CNTN4: variants seen among roughly 807,000 people sequenced by gnomAD.
CNTN4 encodes contactin 4.
CNTN4 carries 77 observed loss-of-function variants against 122.5 expected under a neutral mutation model. That is an observed-to-expected ratio of 0.63 (90% CI 0.52 to 0.76). The LOEUF is 0.76. Among genes scored for constraint, CNTN4 ranks in the 30% least tolerant of loss-of-function variants. The pLI, the probability that CNTN4 is intolerant of heterozygous loss-of-function variation, is 0.00. For synonymous variants in CNTN4, 512 were observed against 447.0 expected, an observed-to-expected ratio of 1.15 and a Z score of -1.83; for missense variants, 1,256 against 1,259.1, an observed-to-expected ratio of 1.00 and a Z score of 0.04.
intron 2 of CNTN4, among the ~76,000 whole-genome samples, chr3:2,161,354 C>G (rs1051588857): frequency 1.3e-5 from 2 of 151,954 alleles, no homozygotes; most frequent in Non-Finnish European, 2.9e-5. Flanking sequence ...ATCACCAGAT[C>G]TTTTATAAAG....
chr3:2,849,551 G>A (rs571217390), intron 7 of CNTN4, among the ~76,000 whole-genome samples: 18 of 152,244 alleles, frequency 1.2e-4, no homozygotes, highest in African/African-American at 4.1e-4. Flanking sequence ...GGACCTCAAC[G>A]GCTAGGCAGT....
intron 8 of CNTN4, among the ~76,000 whole-genome samples, chr3:2,873,563 A>G (rs1333058249): frequency 3.3e-5 from 5 of 152,262 alleles, no homozygotes; most frequent in Admixed American, 2.6e-4. Context: ...AGATTCTGAA[A>G]TATTCTTGTT....
At chr3:2,400,255 T>C (rs1459367842) in intron 3 of CNTN4, among the ~76,000 whole-genome samples, 4 of 150,702 alleles carry the variant, frequency 2.7e-5, no homozygotes, top group Non-Finnish European at 4.4e-5. Context: ...ACCAGAAGCT[T>C]GTTTCTGTGC....
chr3:2,124,470 A>ACACACACACACC (rs1157832774), intron 2 of CNTN4, among the ~76,000 whole-genome samples: 2 of 144,476 alleles, frequency 1.4e-5, no homozygotes, highest in African/African-American at 5.0e-5. Context: ...ACACACACAC[A>ACACACACACACC]CACCCCCTTA....
At chr3:2,164,244 A>G (rs1574974566) in intron 2 of CNTN4, among the ~76,000 whole-genome samples, 1 of 152,280 alleles carries the variant, frequency 6.6e-6, no homozygotes, top group Admixed American at 6.5e-5. Flanking sequence ...AAAAAAAACA[A>G]CAACAAAGTA....
At chr3:2,834,646 A>G (rs2093176850) in intron 7 of CNTN4, among the ~76,000 whole-genome samples, 1 of 152,182 alleles carries the variant, frequency 6.6e-6, no homozygotes, top group Non-Finnish European at 1.5e-5. Flanking sequence ...TGAGCAAAAA[A>G]GCATACATGA....
At chr3:2,302,850 G>A (rs1178939746) in intron 2 of CNTN4, among the ~76,000 whole-genome samples, 1 of 143,820 alleles carries the variant, frequency 7.0e-6, no homozygotes, top group African/African-American at 2.7e-5. Context: ...GCAATGCCAA[G>A]CACACTGTAT....
rs151314392 is a variant in CNTN4, at chr3:2,881,330, T to C, written c.653-1815T>C. The stretch of plus-strand genomic sequence containing the variant: ...GAATTCAAGACGAGCCTGGCCAACA[T>C]AGTGAAACCTCATCGCTACTAAAAA... On this transcript the variant is annotated intron_variant, in intron 8 of 24. Transcript: ENST00000418658. Among the ~76,000 whole-genome samples the C allele has an allele frequency of 3.9e-3, 595 of 152,184 alleles. 8 individuals are homozygous for C. Among genetic ancestry groups the C allele is most frequent in the African/African-American group, 0.013 (545 of 41,518 alleles).
chr3:2,278,645 A>C (rs536534779), intron 2 of CNTN4, among the ~76,000 whole-genome samples: 2 of 152,242 alleles, frequency 1.3e-5, no homozygotes, highest in Non-Finnish European at 2.9e-5. Flanking sequence ...CTATTACAGC[A>C]TAGTCATTAA....
chr3:2,195,807 G>A (rs1004164405), intron 2 of CNTN4, among the ~76,000 whole-genome samples: 17 of 152,140 alleles, frequency 1.1e-4, no homozygotes, highest in African/African-American at 3.9e-4. Context: ...GTGACACTTA[G>A]TTACCTAGTT....
intron 4 of CNTN4, among the ~76,000 whole-genome samples, chr3:2,730,129 G>C (rs1037419871): frequency 2.0e-5 from 3 of 152,144 alleles, no homozygotes; most frequent in South Asian, 2.1e-4. Flanking sequence ...GGTTTTTTGT[G>C]GGGGGTGGCA....
At chr3:2,400,869 A>G (rs904363952) in intron 3 of CNTN4, among the ~76,000 whole-genome samples, 1 of 151,560 alleles carries the variant, frequency 6.6e-6, no homozygotes, top group Non-Finnish European at 1.5e-5. Context: ...ATTACTATAT[A>G]TAAGTATATT....
intron 2 of CNTN4, among the ~76,000 whole-genome samples, chr3:2,250,924 A>T (rs1401711988): frequency 1.3e-5 from 2 of 151,918 alleles, no homozygotes; most frequent in African/African-American, 2.4e-5. Flanking sequence ...AGATCATTTT[A>T]AAGGAATAAT....
intron 2 of CNTN4, among the ~76,000 whole-genome samples, chr3:2,297,322 A>T (rs1322078446): frequency 6.6e-6 from 1 of 152,224 alleles, no homozygotes; most frequent in Non-Finnish European, 1.5e-5. Flanking sequence ...GAAGGAAATC[A>T]TCTGTATACA....
chr3:2,858,369 T>A (rs2150745522), intron 7 of CNTN4, among the ~76,000 whole-genome samples: 1 of 152,166 alleles, frequency 6.6e-6, no homozygotes, highest in East Asian at 1.9e-4. Context: ...GTGGACATTG[T>A]GTTGTATCAC....
intron 3 of CNTN4, among the ~76,000 whole-genome samples, chr3:2,544,113 C>A (rs1015450493): frequency 5.3e-5 from 8 of 152,140 alleles, no homozygotes; most frequent in African/African-American, 1.9e-4. Flanking sequence ...GAACCTGATA[C>A]TACCTGTAAT....
chr3:2,944,902 T>C (rs1443921480), intron 13 of CNTN4, among the ~76,000 whole-genome samples: 3 of 152,190 alleles, frequency 2.0e-5, no homozygotes, highest in Non-Finnish European at 4.4e-5. Flanking sequence ...GGATTTCAGC[T>C]AGTCCCACTG....
At chr3:2,332,826 T>A (rs971787734) in intron 2 of CNTN4, among the ~76,000 whole-genome samples, 1 of 151,754 alleles carries the variant, frequency 6.6e-6, no homozygotes, top group Non-Finnish European at 1.5e-5. Flanking sequence ...CATGTATACA[T>A]ATGTAACTAA....
At chr3:2,466,970 C>CTTTCTTTTTTTTTTTTTTTTTTTTT (rs1392656721) in intron 3 of CNTN4, among the ~76,000 whole-genome samples, 3 of 115,812 alleles carry the variant, frequency 2.6e-5, no homozygotes, top group African/African-American at 1.0e-4. Flanking sequence ...TTCTTTCTTT[C>CTTTCTTTTTTTTTTTTTTTTTTTTT]TTTTTTTTTT....
Sources: gnomAD v4.1 joint callset for allele counts (sites outside exome capture counted in the v4.1 genomes callset) on GRCh38, gnomAD v4.1.1 for gene constraint, MANE v1.5 for transcripts, NCBI Gene and HGNC (gene_info 2026-07-23, HGNC 2026-07-21) for gene names.